DNAH5: variants seen among roughly 807,000 people sequenced by gnomAD.
DNAH5 encodes axonemal beta dynein heavy chain 5.
In DNAH5, 372 loss-of-function variants were observed where a neutral mutation model predicts 518.2. That is an observed-to-expected ratio of 0.72 (90% CI 0.66 to 0.78). DNAH5 has a LOEUF of 0.78. Ranked by LOEUF, DNAH5 falls within the 30% of genes least tolerant of loss-of-function variation. The pLI, the probability that DNAH5 is intolerant of heterozygous loss-of-function variation, is 0.00. For synonymous variants in DNAH5, 2,039 were observed against 2,025.9 expected (o/e 1.01, Z -0.17); for missense variants, 5,523 against 5,687.0 (o/e 0.97, Z 0.93).
Position 13,820,377 on chromosome 5 carries a change from GGTGGTCTTCCCAGCCCC to G in DNAH5, c.6793_6809del (p.Gly2265LeufsTer41), listed in dbSNP as rs2151814193. ...TGGCTCTCATCAAGGTGTGGATGCA[GGTGGTCTTCCCAGCCCC>G]ACTGGGCCCCAGAGTCATCATCCCA... is the stretch of plus-strand genomic sequence containing the variant. On this transcript the variant is annotated frameshift_variant, in exon 41 of 79. Coordinates refer to ENST00000265104, the MANE Select transcript of DNAH5 (RefSeq NM_001369.3). LOFTEE classifies it high-confidence loss of function. The G allele has an allele frequency of 6.2e-7, 1 of 1,612,754 alleles. No homozygotes were observed. The highest frequency in any genetic ancestry group is 8.5e-7 in the Non-Finnish European group (1 of 1,180,020).
rs781219274 is a variant in DNAH5, at chr5:13,865,724, A to G, written c.4299T>C (p.Leu1433=). ...IETVNSYYDI[L]WSEVNIEKIN... is the part of the protein sequence containing the mutation. ...TTTTTTCAATATTCACCTCTGACCA[A>G]AGAATATCATAATAGCTATTTACAG... is the stretch of plus-strand genomic sequence containing the variant. Residue 1433 remains leucine, a synonymous_variant, in exon 27 of 79, where the codon CTT becomes CTC. Transcript: ENST00000265104. 6.2e-7 allele frequency: 1 copy of G among 1,607,182 alleles called. No homozygotes were observed.
At chr5:13,855,743 G>A (rs1767542020) in intron 30 of DNAH5, among the ~76,000 whole-genome samples, 1 of 152,038 alleles carries the variant, frequency 6.6e-6, no homozygotes, top group Non-Finnish European at 1.5e-5. Flanking sequence ...CACATAATTG[G>A]AAGTAAAACA....
chr5:13,844,822 T>G lies in DNAH5; in HGVS notation c.5271+15A>C, dbSNP rs767647281. 4 of 1,614,050 alleles carry G rather than the reference T, an allele frequency of 2.5e-6. No homozygotes were observed. The highest frequency in any genetic ancestry group is 3.4e-6 in the Non-Finnish European group (4 of 1,180,008). ...GGTACGGTGATTGTTGGCCTGCCAT[T>G]AGAATTAGGCGAACCTTTTCGTGGA... On this transcript the variant is annotated intron_variant, in intron 32 of 78. Transcript: ENST00000265104.
In DNAH5 at chr5:13,870,925, G is replaced by A. The variant is rs146689446; in HGVS notation, c.3676C>T (p.Arg1226Trp). ...ATAAAAATGTTTTCCATCTCACTCC[G>A]GTATTTTTTGTTACAGTGGCGTCCA... ...VIGRHCNKKY[R>W]SEMENIFMLI... Residue 1226 changes from arginine (R) to tryptophan (W), a missense_variant, in exon 24 of 79, where the codon CGG (arginine) becomes TGG (tryptophan). Arg to Trp is a moderately radical substitution (Grantham distance 101). Transcript: ENST00000265104. 2.9e-5 allele frequency: 46 copies of A among 1,613,520 alleles called. No homozygotes were observed. The highest frequency in any genetic ancestry group is 6.7e-5 in the African/African-American group (5 of 74,828).
chr5:13,825,636 T>G (rs1349746943), intron 38 of DNAH5, among the ~76,000 whole-genome samples: 1 of 152,196 alleles, frequency 6.6e-6, no homozygotes, highest in South Asian at 2.1e-4. Flanking sequence ...ATGATTTCAT[T>G]TATATGAACT....
Position 13,775,527 on chromosome 5 carries a change from TAGACAGAC to T in DNAH5, c.9373+904_9373+911del, listed in dbSNP as rs141438574. ...AGAGAGAGAAATACAGATAGATAGA[TAGACAGAC>T]AGACAGACAGACAGACAACCTAGGT... is the stretch of plus-strand genomic sequence containing the variant. On this transcript the variant is annotated intron_variant, in intron 55 of 78. Coordinates refer to ENST00000265104, the MANE Select transcript of DNAH5 (RefSeq NM_001369.3). Among the ~76,000 whole-genome samples, 9 of 151,830 alleles carry T rather than the reference TAGACAGAC, an allele frequency of 5.9e-5. No individual in the cohort carries two copies. The East Asian group carries it at 1.6e-3, about 26-fold the overall frequency.
In DNAH5 at chr5:13,855,294, C is replaced by T. The variant is rs868366133; in HGVS notation, c.4950+4158G>A. Among the ~76,000 whole-genome samples the T allele has an allele frequency of 1.1e-3, 57 of 51,268 alleles. 9 individuals are homozygous for T. Among genetic ancestry groups the T allele is most frequent in the African/African-American group, 3.3e-3 (53 of 15,948 alleles). The allele number at this position is 51,268 out of a possible 152,430, so 33.6% of individuals were successfully genotyped here. On this transcript the variant is annotated intron_variant, in intron 30 of 78. Transcript: ENST00000265104. ...CGGGATCTCGGCTCACTGCAAGCTC[C>T]GCCTCCCGGGTTCACGCCATTCTCC... is the stretch of plus-strand genomic sequence containing the variant.
In DNAH5 at chr5:13,810,161, G is replaced by T; in HGVS notation, c.7507C>A (p.Arg2503Ser). The T allele has an allele frequency of 1.3e-6, 2 of 1,548,302 alleles. No homozygotes were observed. Among genetic ancestry groups the T allele is most frequent in the Non-Finnish European group, 1.7e-6 (2 of 1,145,588 alleles). The change falls in exon 45 of 79, where the codon CGC (arginine) becomes AGC (serine). Residue 2503 changes from arginine to serine, a missense_variant. By Grantham distance (110) the Arg-to-Ser change is moderately radical (BLOSUM62 -1). Coordinates refer to ENST00000265104, the MANE Select transcript of DNAH5 (RefSeq NM_001369.3). ...GAALELDGRR[R>S]LELWLRSRPT... The stretch of plus-strand genomic sequence containing the variant: ...CGAGAGCGCAGCCAGAGCTCCAGGC[G>T]GCGCCGTCCGTCCAGCTCCAGCGCC...
At chr5:13,910,716 C>T (rs973302944) in intron 12 of DNAH5, among the ~76,000 whole-genome samples, 2 of 152,182 alleles carry the variant, frequency 1.3e-5, no homozygotes, top group Non-Finnish European at 2.9e-5. Context: ...CCGCCTGTGT[C>T]CACCACAGGA....
chr5:13,930,207 G>A (rs1235093267), intron 2 of DNAH5, among the ~76,000 whole-genome samples: 1 of 152,128 alleles, frequency 6.6e-6, no homozygotes, highest in Non-Finnish European at 1.5e-5. Context: ...GAAGCCAGTG[G>A]TGTGCCACAG....
At chr5:13,986,196 C>T (rs1232074705) in intron 1 of DNAH5, among the ~76,000 whole-genome samples, 1 of 152,176 alleles carries the variant, frequency 6.6e-6, no homozygotes, top group African/African-American at 2.4e-5. Flanking sequence ...CAAGAGGAAT[C>T]GCTGGGGAGT....
chr5:13,954,736 T>C (rs921893990), intron 1 of DNAH5, among the ~76,000 whole-genome samples: 9 of 152,184 alleles, frequency 5.9e-5, no homozygotes, highest in African/African-American at 2.2e-4. Flanking sequence ...AAGGCAGTGT[T>C]TCCCCGTTGC....
chr5:13,928,637 G>A (rs1778115031), intron 2 of DNAH5, among the ~76,000 whole-genome samples: 2 of 152,198 alleles, frequency 1.3e-5, no homozygotes, highest in Admixed American at 1.3e-4. Context: ...ACACCTTCCA[G>A]TAAGCAACCT....
intron 52 of DNAH5, among the ~76,000 whole-genome samples, chr5:13,784,561 G>C (rs954208338): frequency 2.6e-4 from 39 of 152,128 alleles, no homozygotes; most frequent in African/African-American, 9.4e-4. Flanking sequence ...CAGGGAAAAG[G>C]AGCAGGTAAT....
intron 22 of DNAH5, among the ~76,000 whole-genome samples, chr5:13,872,013 A>G (rs1212347382): frequency 1.3e-5 from 2 of 152,210 alleles, no homozygotes; most frequent in Non-Finnish European, 2.9e-5. Flanking sequence ...TAGAAACTAG[A>G]TGACAGTTCT....
At position 13,735,779 on chromosome 5, in the gene DNAH5, G is replaced by C. The variant is rs371785091; in HGVS notation, c.11570+39C>G. The C allele has an allele frequency of 7.7e-6, 11 of 1,425,138 alleles. No homozygotes were observed. The African/African-American group carries it at 1.5e-4, about 20-fold the overall frequency. The allele number at this position is 1,425,138 out of a possible 1,614,324, so 88.3% of individuals were successfully genotyped here. On this transcript the variant is annotated intron_variant, in intron 67 of 78. Transcript: ENST00000265104. ...TGTAATGTCATCATTTTAGTGCACAGATATAGAATTCAGCTTGGCTTCCCG... is the reference window on the plus strand; with the variant it reads ...TGTAATGTCATCATTTTAGTGCACACATATAGAATTCAGCTTGGCTTCCCG...
intron 68 of DNAH5, among the ~76,000 whole-genome samples, chr5:13,734,266 C>A (rs567200975): frequency 6.6e-6 from 1 of 152,194 alleles, no homozygotes; most frequent in East Asian, 1.9e-4. Context: ...TGATCTGGGA[C>A]TTCCAACTTC....
rs529593424 is a variant in DNAH5 at position 13,892,514 on chromosome 5, T to C, written c.2432-1393A>G. Among the ~76,000 whole-genome samples the C allele has an allele frequency of 4.6e-5, 7 of 152,336 alleles. No homozygotes were observed. The South Asian group carries it at 1.5e-3, about 32-fold the overall frequency. On this transcript the variant is annotated intron_variant, in intron 16 of 78. Coordinates refer to ENST00000265104, the MANE Select transcript of DNAH5 (RefSeq NM_001369.3). ...GCACTTGAGATTTTACATAGTTTTCTCTCAAAGAAACTTCATCTTTGTTCT... is the reference window on the plus strand; with the variant it reads ...GCACTTGAGATTTTACATAGTTTTCCCTCAAAGAAACTTCATCTTTGTTCT...
chr5:13,867,157 C>A (rs181863019), intron 25 of DNAH5, among the ~76,000 whole-genome samples: 1 of 152,308 alleles, frequency 6.6e-6, no homozygotes, highest in Non-Finnish European at 1.5e-5. Flanking sequence ...AAATTATACA[C>A]TGTTAGCCCT....
Sources: allele counts gnomAD v4.1 joint callset (sites outside exome capture counted in the v4.1 genomes callset), GRCh38; gene constraint gnomAD v4.1.1; transcripts MANE v1.5; gene names NCBI Gene and HGNC (gene_info 2026-07-23, HGNC 2026-07-21).